Variants in KCNIP4 observed in about 807,000 individuals in gnomAD.
The protein encoded by KCNIP4 is potassium voltage-gated channel interacting protein 4.
Under a neutral mutation model 34.0 loss-of-function variants are expected in KCNIP4, and 12 were observed. The ratio of observed to expected loss-of-function variants is 0.35; its 90% CI spans 0.23 to 0.57. KCNIP4 has a LOEUF of 0.57. Among genes scored for constraint, KCNIP4 ranks in the 20% least tolerant of loss-of-function variants. The pLI, the probability that KCNIP4 is intolerant of heterozygous loss-of-function variation, is 0.83. For synonymous variants in KCNIP4, 124 were observed against 102.2 expected, an observed-to-expected ratio of 1.21 and a Z score of -1.29; for missense variants, 238 against 311.7, an observed-to-expected ratio of 0.76 and a Z score of 1.78.
intron 1 of KCNIP4, among the ~76,000 whole-genome samples, chr4:21,687,553 T>C (rs1750910216): frequency 6.6e-6 from 1 of 152,206 alleles, no homozygotes; most frequent in South Asian, 2.1e-4. Context: ...AAAAAGTTTA[T>C]ATTCCACTTT....
intron 1 of KCNIP4, chr4:21,730,091 G>A (rs535407263): frequency 1.3e-5 from 2 of 152,186 alleles, no homozygotes; most frequent in Middle Eastern, 6.8e-3. Flanking sequence ...TGTTTCAGGT[G>A]GGAGGTAAAT....
intron 1 of KCNIP4, among the ~76,000 whole-genome samples, chr4:20,891,392 G>A (rs1725901329): frequency 6.6e-6 from 1 of 152,104 alleles, no homozygotes; most frequent in African/African-American, 2.4e-5. Flanking sequence ...TGATCACGAG[G>A]TTGGTAGATC....
intron 1 of KCNIP4, among the ~76,000 whole-genome samples, chr4:21,375,625 G>A (rs1274123905): frequency 6.6e-6 from 1 of 151,342 alleles, no homozygotes; most frequent in Non-Finnish European, 1.5e-5. Context: ...GGAGTGCAGT[G>A]GTGCGATCTC....
intron 1 of KCNIP4, among the ~76,000 whole-genome samples, chr4:21,170,371 T>C (rs548515531): frequency 6.6e-5 from 10 of 152,208 alleles, no homozygotes; most frequent in South Asian, 2.1e-4. Flanking sequence ...AATGTTGTTT[T>C]CTTGGTTAGC....
At chr4:20,895,033 A>G (rs1392396566) in intron 1 of KCNIP4, among the ~76,000 whole-genome samples, 2 of 152,208 alleles carry the variant, frequency 1.3e-5, no homozygotes, top group African/African-American at 4.8e-5. Flanking sequence ...AGATGCACGC[A>G]GTTTGTAAGT....
At chr4:20,887,000 T>C (rs889932417) in intron 1 of KCNIP4, among the ~76,000 whole-genome samples, 6 of 151,856 alleles carry the variant, frequency 4.0e-5, no homozygotes, top group Non-Finnish European at 5.9e-5. Context: ...ATGTTGGAAG[T>C]TGTAAGAAAT....
chr4:21,879,630 A>G (rs1726348312), intron 1 of KCNIP4, among the ~76,000 whole-genome samples: 1 of 152,200 alleles, frequency 6.6e-6, no homozygotes, highest in South Asian at 2.1e-4. Flanking sequence ...AGGAAAATGG[A>G]ACTCATCAAT....
At chr4:21,925,046 C>G (rs888570445) in intron 1 of KCNIP4, among the ~76,000 whole-genome samples, 1 of 152,064 alleles carries the variant, frequency 6.6e-6, no homozygotes, top group Admixed American at 6.6e-5. Context: ...TGATTTCTGT[C>G]AACTCTTAGA....
chr4:21,885,245 C>G (rs865823994), intron 1 of KCNIP4, among the ~76,000 whole-genome samples: 1 of 152,090 alleles, frequency 6.6e-6, no homozygotes, highest in South Asian at 2.1e-4. Context: ...TAAAAGTCTT[C>G]CATAATTTCA....
At chr4:20,996,763 TTC>T (rs1737590369) in intron 1 of KCNIP4, among the ~76,000 whole-genome samples, 1 of 122,962 alleles carries the variant, frequency 8.1e-6, no homozygotes, top group Admixed American at 8.9e-5. Context: ...CTCCCTGAAC[TTC>T]TTTTTTTTAA....
intron 1 of KCNIP4, among the ~76,000 whole-genome samples, chr4:21,407,570 T>C (rs1724102893): frequency 6.6e-6 from 1 of 152,178 alleles, no homozygotes; most frequent in Non-Finnish European, 1.5e-5. Flanking sequence ...TAAGTTCTAA[T>C]ACACTCAGGG....
Position 20,991,926 on chromosome 4 carries a change from G to A in KCNIP4, c.62-109217C>T, listed in dbSNP as rs936248980. ...CTTGATCCTCCCAGTTCTTGGGCACGAGATTCCAGAGACTGACTTGGGTGT... is the reference window on the plus strand; with the variant it reads ...CTTGATCCTCCCAGTTCTTGGGCACAAGATTCCAGAGACTGACTTGGGTGT... On this transcript the variant is annotated intron_variant, in intron 1 of 8. Transcript: ENST00000382152. 3.3e-5 allele frequency among the ~76,000 whole-genome samples: 5 copies of A among 152,130 alleles called. No homozygotes were observed. In the East Asian group the frequency reaches 7.7e-4, roughly 23 times the overall value.
intron 1 of KCNIP4, among the ~76,000 whole-genome samples, chr4:21,709,422 A>G (rs1044927004): frequency 6.6e-6 from 1 of 152,230 alleles, no homozygotes; most frequent in Non-Finnish European, 1.5e-5. Context: ...CTGAAGACAT[A>G]GCAATTAAAA....
chr4:21,200,690 G>A (rs1428856392), intron 1 of KCNIP4, among the ~76,000 whole-genome samples: 1 of 151,736 alleles, frequency 6.6e-6, no homozygotes, highest in Admixed American at 6.6e-5. Flanking sequence ...TGGGTACGAG[G>A]TAGGCTACTC....
intron 3 of KCNIP4, among the ~76,000 whole-genome samples, chr4:20,844,554 AC>A (rs1429341248): frequency 6.6e-6 from 1 of 152,120 alleles, no homozygotes; most frequent in Non-Finnish European, 1.5e-5. Flanking sequence ...TTCAAGAATA[AC>A]CCTGAGGGCT....
chr4:21,122,290 A>C (rs536982960), intron 1 of KCNIP4, among the ~76,000 whole-genome samples: 1 of 152,134 alleles, frequency 6.6e-6, no homozygotes, highest in South Asian at 2.1e-4. Context: ...TAGCCTAAAG[A>C]AAGTGGGGCT....
chr4:21,877,734 C>T (rs1726213560), intron 1 of KCNIP4, among the ~76,000 whole-genome samples: 1 of 152,208 alleles, frequency 6.6e-6, no homozygotes, highest in South Asian at 2.1e-4. Context: ...CCTGCAGATG[C>T]CTCTATTCTT....
chr4:21,602,762 T>TTGA (rs1743296400), intron 1 of KCNIP4, among the ~76,000 whole-genome samples: 1 of 152,108 alleles, frequency 6.6e-6, no homozygotes, highest in Admixed American at 6.6e-5. Flanking sequence ...CTTACCTAAA[T>TTGA]TGATAGGTTC....
intron 1 of KCNIP4, among the ~76,000 whole-genome samples, chr4:21,510,881 A>C (rs28717986): frequency 5.8e-5 from 3 of 51,756 alleles, no homozygotes; most frequent in Non-Finnish European, 9.6e-5. Flanking sequence ...AATTAAAAAA[A>C]TAAAAATAAA....
Sources: allele counts gnomAD v4.1 joint callset (sites outside exome capture counted in the v4.1 genomes callset), GRCh38; gene constraint gnomAD v4.1.1; transcripts MANE v1.5; gene names NCBI Gene and HGNC (gene_info 2026-07-23, HGNC 2026-07-21).